Variants in DGKH observed in about 807,000 individuals in gnomAD.
DGKH encodes the protein diacylglycerol kinase eta.
In DGKH, 90 loss-of-function variants were observed where a neutral mutation model predicts 159.3. The observed-to-expected ratio is 0.57, with a 90% CI of 0.48 to 0.67. DGKH has a LOEUF of 0.67. Ranked by LOEUF, DGKH falls within the 30% of genes least tolerant of loss-of-function variation. The pLI is 0.00. For missense variants in DGKH, 1,181 were observed against 1,506.1 expected, an observed-to-expected ratio of 0.78 and a Z score of 3.57; for synonymous variants, 536 against 553.8, an observed-to-expected ratio of 0.97 and a Z score of 0.45.
intron 24 of DGKH, among the ~76,000 whole-genome samples, chr13:42,211,445 C>T (rs999878343): frequency 6.6e-6 from 1 of 152,176 alleles, no homozygotes; most frequent in African/African-American, 2.4e-5. Flanking sequence ...TGCCTGTAAT[C>T]CCAACACTTT....
At position 42,048,689 on chromosome 13, in the gene DGKH, G is replaced by C. The variant is rs1283269763; in HGVS notation, c.-85G>C. 6 of 1,219,750 alleles carry C rather than the reference G, an allele frequency of 4.9e-6. No homozygotes were observed. The highest frequency in any genetic ancestry group is 2.0e-6 in the Non-Finnish European group (2 of 976,662). 75.6% of individuals were successfully genotyped at this position (1,219,750 alleles called of 1,614,324 possible). A position where few individuals can be genotyped will look rare whatever the true frequency, so the allele number is the denominator to read the frequency against. ...CGGCGGCGGCCGGGCACGGGGTTCCGGGCTCCGCTCGGGCAGAGCCCACCC... is the reference window on the plus strand; with the variant it reads ...CGGCGGCGGCCGGGCACGGGGTTCCCGGCTCCGCTCGGGCAGAGCCCACCC... On this transcript the variant is annotated 5_prime_UTR_variant, in exon 1 of 30. Transcript: ENST00000337343. This position sits in a 1 kb window ranked among gnomAD's most constrained non-coding sequence, Gnocchi z 6.7.
chr13:42,179,985 G>T (rs1956710129), intron 13 of DGKH, among the ~76,000 whole-genome samples: 1 of 152,256 alleles, frequency 6.6e-6, no homozygotes, highest in East Asian at 1.9e-4. Flanking sequence ...TCAAACACAT[G>T]AAAGTAAATA....
At chr13:42,213,264 T>A (rs347414) in intron 24 of DGKH, among the ~76,000 whole-genome samples, 2 of 151,926 alleles carry the variant, frequency 1.3e-5, no homozygotes, top group Non-Finnish European at 2.9e-5. Flanking sequence ...GGTAAATGGG[T>A]ATGAATTAGG....
At chr13:42,123,309 A>G (rs1182078399) in intron 1 of DGKH, among the ~76,000 whole-genome samples, 1 of 152,202 alleles carries the variant, frequency 6.6e-6, no homozygotes, top group African/African-American at 2.4e-5. Context: ...AAATAAAGCA[A>G]TGTAGACAGG....
intron 30 of DGKH, chr13:42,255,885 C>T: frequency 1.5e-6 from 2 of 1,371,420 alleles, no homozygotes; most frequent in Non-Finnish European, 2.0e-6. Context: ...AAGGTTGCTG[C>T]AAAATTGGCT....
chr13:42,137,129 CTT>C lies in DGKH; in HGVS notation c.384+7498_384+7499del, dbSNP rs567622469. Among the ~76,000 whole-genome samples, 43 of 152,292 alleles carry C rather than the reference CTT, an allele frequency of 2.8e-4. 1 individual carries two copies. The East Asian group carries it at 6.2e-3, about 22-fold the overall frequency. ...TTAATACAGTTTACTTCATCTCTCT[CTT>C]AGAGGGAGATCACATCCTTTGAACT... On this transcript the variant is annotated intron_variant, in intron 3 of 29. Coordinates refer to ENST00000337343, the MANE Select transcript of DGKH (RefSeq NM_178009.5).
Position 42,150,174 on chromosome 13 carries a change from T to G in DGKH, c.385-5117T>G, listed in dbSNP as rs532175517. On this transcript the variant is annotated intron_variant, in intron 3 of 29. Transcript: ENST00000337343. ...TAAAAATTATGATAGGAAAAATAAT[T>G]TTGTTATTGGTAATCTGAAACTTTC... Among the ~76,000 whole-genome samples, 25 of 152,320 alleles carry G rather than the reference T, an allele frequency of 1.6e-4. No homozygotes were observed. The South Asian group carries it at 5.2e-3, about 32-fold the overall frequency.
chr13:42,103,732 T>C (rs1343513337), intron 1 of DGKH, among the ~76,000 whole-genome samples: 1 of 152,164 alleles, frequency 6.6e-6, no homozygotes, highest in Non-Finnish European at 1.5e-5. Context: ...TTTATTAAAC[T>C]AATTAGTATG....
chr13:42,192,693 T>C (rs1199421749), intron 16 of DGKH, among the ~76,000 whole-genome samples: 1 of 151,988 alleles, frequency 6.6e-6, no homozygotes, highest in African/African-American at 2.4e-5. Flanking sequence ...CCTTTAATGA[T>C]ACCAAAAACA....
At chr13:42,219,572 C>G in intron 27 of DGKH, 114 bp from the exon 28 acceptor site, 1 of 1,211,482 alleles carries the variant, frequency 8.3e-7, no homozygotes, top group Non-Finnish European at 1.1e-6. Flanking sequence ...GAAGTTATCA[C>G]TGTTCTATAA....
At chr13:42,047,326 G>C (rs1186745461), upstream of DGKH, among the ~76,000 whole-genome samples, 1 of 151,300 alleles carries the variant, frequency 6.6e-6, no homozygotes, top group African/African-American at 2.4e-5. Context: ...AAGACTGCAA[G>C]TTAAAAAAAA....
chr13:42,156,704 A>G (rs563641524), intron 5 of DGKH, among the ~76,000 whole-genome samples: 2 of 152,328 alleles, frequency 1.3e-5, no homozygotes, highest in South Asian at 4.1e-4. Flanking sequence ...TAATCCAAAA[A>G]TTTCGTAATT....
At chr13:42,166,486 A>G (rs1956318505) in intron 8 of DGKH, 29 bp from the exon 9 acceptor site, 1 of 1,465,898 alleles carries the variant, frequency 6.8e-7, no homozygotes, top group Non-Finnish European at 9.1e-7. Context: ...AGCTGTATGT[A>G]TTGATCTTGT....
chr13:42,059,905 CTT>C (rs11357293), intron 1 of DGKH, among the ~76,000 whole-genome samples: 20 of 139,828 alleles, frequency 1.4e-4, no homozygotes, highest in Admixed American at 2.1e-4. Flanking sequence ...TCTCTTTTTT[CTT>C]TTTTTTTTTT....
chr13:42,206,007 C>G (rs1185748540), intron 20 of DGKH, 32 bp from the exon 21 acceptor site: 1 of 1,172,630 alleles, frequency 8.5e-7, no homozygotes, highest in Non-Finnish European at 1.1e-6. Flanking sequence ...TTTATCTAAT[C>G]TCTACTTTTT....
intron 1 of DGKH, among the ~76,000 whole-genome samples, chr13:42,064,488 G>C (rs1279053346): frequency 6.6e-6 from 1 of 152,130 alleles, no homozygotes; most frequent in Non-Finnish European, 1.5e-5. Context: ...GTGTGTGCCA[G>C]GAAAAGCGTG....
chr13:42,235,164 A>T lies in DGKH; in HGVS notation c.*5976A>T, dbSNP rs1958388814. 1 of 152,208 alleles carries T rather than the reference A, an allele frequency of 6.6e-6. No individual in the cohort carries two copies. The highest frequency in any genetic ancestry group is 1.5e-5 in the Non-Finnish European group (1 of 68,032). The allele number at this position is 152,208 out of a possible 1,614,324, so 9.4% of individuals were successfully genotyped here. On this transcript the variant is annotated 3_prime_UTR_variant, in exon 30 of 30. Coordinates refer to ENST00000337343, the MANE Select transcript of DGKH (RefSeq NM_178009.5). ...AGACTGAGACTGTTAAACTCTGTTCATGATAAACTCCATATTACATAATAT... is the reference window on the plus strand; with the variant it reads ...AGACTGAGACTGTTAAACTCTGTTCTTGATAAACTCCATATTACATAATAT...
intron 29 of DGKH, among the ~76,000 whole-genome samples, chr13:42,228,581 A>G (rs1958197669): frequency 6.6e-6 from 1 of 151,852 alleles, no homozygotes; most frequent in South Asian, 2.1e-4. Context: ...TTTTTTTCTC[A>G]GAGATCCCAA....
At chr13:42,248,600 ATAAT>A (rs1242497679) in intron 29 of DGKH, among the ~76,000 whole-genome samples, 4 of 147,512 alleles carry the variant, frequency 2.7e-5, no homozygotes, top group Non-Finnish European at 4.5e-5. Flanking sequence ...TTTCAATGTA[ATAAT>A]TTATATAATA....
Sources: gnomAD v4.1 joint callset for allele counts (sites outside exome capture counted in the v4.1 genomes callset) on GRCh38, gnomAD v4.1.1 for gene constraint, Gnocchi (gnomAD v3.1) non-coding constraint, MANE v1.5 for transcripts, NCBI Gene and HGNC (gene_info 2026-07-23, HGNC 2026-07-21) for gene names.